Variants in CSMD2 observed in about 807,000 individuals in gnomAD.
CSMD2 encodes the protein CUB and sushi domain-containing protein 2.
In CSMD2, 130 loss-of-function variants were observed where a neutral mutation model predicts 398.5. The observed-to-expected ratio is 0.33, with a 90% CI of 0.28 to 0.38. CSMD2 has a LOEUF of 0.38. Among genes scored for constraint, CSMD2 ranks in the 10% least tolerant of loss-of-function variants. The probability of loss-of-function intolerance (pLI) is 1.00; values close to 1 mark genes in which losing one functional copy is unlikely to be tolerated. For missense variants in CSMD2, 3,829 were observed against 4,764.9 expected (o/e 0.80, Z 5.78); for synonymous variants, 1,828 against 1,908.5 (o/e 0.96, Z 1.10).
chr1:34,150,616 C>T (rs1640218965), intron 1 of CSMD2, among the ~76,000 whole-genome samples: 1 of 152,050 alleles, frequency 6.6e-6, no homozygotes, highest in Non-Finnish European at 1.5e-5. Flanking sequence ...CCTGAGTGTT[C>T]AACAAGGGAC....
Position 33,635,079 on chromosome 1 carries a change from G to T in CSMD2, c.5086+135C>A. ...GTTTGAGAAACGTCAGCACTCGGCCGTCCTTTTGGGGAGACTGTTCTGCGA... is the reference window on the plus strand; with the variant it reads ...GTTTGAGAAACGTCAGCACTCGGCCTTCCTTTTGGGGAGACTGTTCTGCGA... On this transcript the variant is annotated intron_variant, in intron 31 of 70. Transcript: ENST00000373381. This position sits in a 1 kb window ranked among gnomAD's most constrained non-coding sequence, Gnocchi z 5.0. 1 of 615,730 alleles carries T rather than the reference G, an allele frequency of 1.6e-6. No individual in the cohort carries two copies. The highest frequency in any genetic ancestry group is 3.0e-6 in the Non-Finnish European group (1 of 334,398). 38.1% of individuals were successfully genotyped at this position (615,730 alleles called of 1,614,324 possible).
At chr1:34,039,454 T>C (rs576036762) in intron 2 of CSMD2, among the ~76,000 whole-genome samples, 1 of 152,340 alleles carries the variant, frequency 6.6e-6, no homozygotes, top group South Asian at 2.1e-4. Context: ...AGTTAAGCCA[T>C]TTCAATTTGA....
At chr1:33,790,516 T>C (rs1157174200) in intron 11 of CSMD2, among the ~76,000 whole-genome samples, 1 of 152,242 alleles carries the variant, frequency 6.6e-6, no homozygotes, top group Non-Finnish European at 1.5e-5. Context: ...TTGAACCTAC[T>C]GGCATTTGGA....
At chr1:34,123,045 T>TCTGTAGCTC (rs1194586946) in intron 1 of CSMD2, among the ~76,000 whole-genome samples, 1 of 152,196 alleles carries the variant, frequency 6.6e-6, no homozygotes, top group African/African-American at 2.4e-5. Flanking sequence ...GCTATTTTTG[T>TCTGTAGCTC]CTGTAGTTCC....
At chr1:33,753,765 T>C (rs766880562) in intron 13 of CSMD2, among the ~76,000 whole-genome samples, 2 of 152,258 alleles carry the variant, frequency 1.3e-5, no homozygotes, top group Non-Finnish European at 2.9e-5. Flanking sequence ...GTTCACCCCA[T>C]GCACCAATGT....
intron 9 of CSMD2, among the ~76,000 whole-genome samples, chr1:33,817,338 C>T (rs12061647): frequency 0.12 from 18,567 of 152,166 alleles, 2,141 homozygotes; most frequent in African/African-American, 0.31. Context: ...CCTCCACCAC[C>T]GTCAGGGCTG....
At chr1:33,773,921 G>T (rs972649417) in intron 12 of CSMD2, among the ~76,000 whole-genome samples, 3 of 152,138 alleles carry the variant, frequency 2.0e-5, no homozygotes, top group Non-Finnish European at 4.4e-5. Flanking sequence ...AAGTTGGTGT[G>T]TGTGATCCTG....
intron 12 of CSMD2, among the ~76,000 whole-genome samples, chr1:33,774,817 C>A (rs930174382): frequency 6.6e-6 from 1 of 152,058 alleles, no homozygotes; most frequent in Non-Finnish European, 1.5e-5. Context: ...CACAGCCCTG[C>A]GCACATGCCC....
At chr1:34,135,580 T>C (rs1392583938) in intron 1 of CSMD2, among the ~76,000 whole-genome samples, 1 of 117,628 alleles carries the variant, frequency 8.5e-6, no homozygotes, top group East Asian at 2.8e-4. Context: ...ATCACGCCAC[T>C]GCACTCCAGC....
chr1:34,025,511 G>A (rs879490928), intron 3 of CSMD2, among the ~76,000 whole-genome samples: 3 of 152,152 alleles, frequency 2.0e-5, no homozygotes, highest in African/African-American at 2.4e-5. Flanking sequence ...CTAGGGGATC[G>A]GGGTGGCCAC....
rs971442199 is a variant in CSMD2, at chr1:34,022,136, C to T, written c.517+10458G>A. ...TCATTTATCCATTCACTTGTTTAAT[C>T]GGTATTTATTGAGCACCTACTATGT... On this transcript the variant is annotated intron_variant, in intron 3 of 70. Coordinates refer to ENST00000373381, the MANE Select transcript of CSMD2 (RefSeq NM_001281956.2). Among the ~76,000 whole-genome samples, 3 of 152,144 alleles carry T rather than the reference C, an allele frequency of 2.0e-5. No homozygotes were observed. In the South Asian group the frequency reaches 6.2e-4, roughly 32 times the overall value.
intron 6 of CSMD2, among the ~76,000 whole-genome samples, chr1:33,846,474 T>C (rs904885394): frequency 1.3e-5 from 2 of 152,220 alleles, no homozygotes; most frequent in African/African-American, 2.4e-5. Flanking sequence ...TCAGATGGCC[T>C]TGGGAAATTG....
intron 3 of CSMD2, among the ~76,000 whole-genome samples, chr1:33,941,140 G>A (rs1324480849): frequency 6.6e-6 from 1 of 152,136 alleles, no homozygotes; most frequent in Non-Finnish European, 1.5e-5. Context: ...TTAAAGCAGT[G>A]CCTGACATTG....
chr1:34,120,608 A>G lies in CSMD2; in HGVS notation c.188-31415T>C, dbSNP rs144617336. 7.7e-3 allele frequency among the ~76,000 whole-genome samples: 1,175 copies of G among 152,238 alleles called. 24 individuals are homozygous for G. Among genetic ancestry groups the G allele is most frequent in the African/African-American group, 0.027 (1,116 of 41,528 alleles). On this transcript the variant is annotated intron_variant, in intron 1 of 70. Coordinates refer to ENST00000373381, the MANE Select transcript of CSMD2 (RefSeq NM_001281956.2). The stretch of plus-strand genomic sequence containing the variant: ...TGCCCAGGCTGGAGTACAATGGCGC[A>G]ATCTCGGCTCACTGCACTCTCCGCC...
chr1:34,126,342 C>T (rs1416648947), intron 1 of CSMD2, among the ~76,000 whole-genome samples: 1 of 152,200 alleles, frequency 6.6e-6, no homozygotes, highest in Non-Finnish European at 1.5e-5. Context: ...TAGCACATAC[C>T]TCCTGCTGCT....
At chr1:33,793,050 A>C (rs140945066) in intron 10 of CSMD2, among the ~76,000 whole-genome samples, 7 of 152,316 alleles carry the variant, frequency 4.6e-5, no homozygotes, top group African/African-American at 1.7e-4. Context: ...GCCTTCCACA[A>C]ATATTTACTA....
rs186436372 is a variant in CSMD2, at chr1:34,102,825, A to G, written c.188-13632T>C. ...GGAGACTACCCTAAGTACAATTCAGACCTGCTTCTCAAGCCAGGTGTTCCT... is the reference window on the plus strand; with the variant it reads ...GGAGACTACCCTAAGTACAATTCAGGCCTGCTTCTCAAGCCAGGTGTTCCT... On this transcript the variant is annotated intron_variant, in intron 1 of 70. Coordinates refer to ENST00000373381, the MANE Select transcript of CSMD2 (RefSeq NM_001281956.2). Among the ~76,000 whole-genome samples the G allele has an allele frequency of 7.2e-4, 109 of 152,222 alleles. 1 individual carries two copies. The highest frequency in any genetic ancestry group is 3.4e-3 in the Middle Eastern group (1 of 294).
intron 6 of CSMD2, among the ~76,000 whole-genome samples, chr1:33,828,279 C>T (rs560749930): frequency 1.3e-5 from 2 of 152,336 alleles, no homozygotes; most frequent in South Asian, 2.1e-4. Flanking sequence ...CTAGCTAATA[C>T]AGTGCGGCAG....
intron 22 of CSMD2, among the ~76,000 whole-genome samples, chr1:33,705,811 A>G (rs1438011090): frequency 1.3e-5 from 2 of 151,044 alleles, no homozygotes; most frequent in African/African-American, 4.9e-5. Flanking sequence ...ATCCCTAAAC[A>G]TTTTCTTATT....
Sources: gnomAD v4.1 joint callset for allele counts (sites outside exome capture counted in the v4.1 genomes callset) on GRCh38, gnomAD v4.1.1 for gene constraint, Gnocchi (gnomAD v3.1) non-coding constraint, MANE v1.5 for transcripts, NCBI Gene and HGNC (gene_info 2026-07-23, HGNC 2026-07-21) for gene names.